The following CSMD1 variants were observed in gnomAD, a reference collection of about 807,000 sequenced individuals.
The protein encoded by CSMD1 is CUB and Sushi multiple domains 1, also known as CUB and sushi domain-containing protein 1.
A neutral mutation model predicts 417.5 loss-of-function variants in CSMD1; 213 were observed. The ratio of observed to expected loss-of-function variants is 0.51; its 90% CI spans 0.46 to 0.57. CSMD1 has a LOEUF of 0.57. Among genes scored for constraint, CSMD1 ranks in the 20% least tolerant of loss-of-function variants. The pLI is 0.00. For missense variants in CSMD1, 6,923 were observed against 4,529.7 expected, an observed-to-expected ratio of 1.53 and a Z score of -15.17; for synonymous variants, 2,862 against 1,736.8, an observed-to-expected ratio of 1.65 and a Z score of -16.11.
intron 3 of CSMD1, among the ~76,000 whole-genome samples, chr8:4,241,071 C>T (rs913746935): frequency 3.3e-5 from 5 of 152,246 alleles, no homozygotes; most frequent in Admixed American, 6.5e-5. Context: ...TGGATTTGAT[C>T]GCTGAATTAC....
At chr8:4,224,712 C>A (rs1293138100) in intron 3 of CSMD1, among the ~76,000 whole-genome samples, 1 of 152,342 alleles carries the variant, frequency 6.6e-6, no homozygotes, top group Admixed American at 6.5e-5. Context: ...ACTAATATAG[C>A]TTCTTTTTTC....
At chr8:4,799,664 T>C (rs1008478595) in intron 1 of CSMD1, among the ~76,000 whole-genome samples, 7 of 133,466 alleles carry the variant, frequency 5.2e-5, no homozygotes, top group African/African-American at 1.1e-4. Flanking sequence ...ATCTGAAAAA[T>C]TGGGACTTTA....
chr8:4,641,462 G>A (rs765709043), intron 1 of CSMD1, among the ~76,000 whole-genome samples: 4 of 152,188 alleles, frequency 2.6e-5, no homozygotes, highest in Non-Finnish European at 5.9e-5. Context: ...GTCTTATACT[G>A]TTGGACTGAG....
intron 5 of CSMD1, among the ~76,000 whole-genome samples, chr8:3,914,293 T>A (rs1244813627): frequency 1.3e-5 from 2 of 152,104 alleles, no homozygotes; most frequent in Non-Finnish European, 2.9e-5. Flanking sequence ...GGGTCACAGG[T>A]AGCTCATGGT....
At chr8:4,299,310 A>G (rs1797855380) in intron 3 of CSMD1, among the ~76,000 whole-genome samples, 1 of 152,174 alleles carries the variant, frequency 6.6e-6, no homozygotes, top group Admixed American at 6.5e-5. Context: ...CCCCCAGAGA[A>G]CGCACTTTTT....
At chr8:4,804,752 A>G (rs1275143370) in intron 1 of CSMD1, among the ~76,000 whole-genome samples, 2 of 152,324 alleles carry the variant, frequency 1.3e-5, no homozygotes, top group East Asian at 3.9e-4. Context: ...GCCTTCAAGA[A>G]AAGTATCTTA....
intron 31 of CSMD1, among the ~76,000 whole-genome samples, chr8:3,202,385 A>G (rs1797035561): frequency 6.6e-6 from 1 of 152,204 alleles, no homozygotes; most frequent in Admixed American, 6.5e-5. Context: ...ATATAATAGG[A>G]ATCCCTTGCT....
chr8:4,509,152 G>C (rs1332650980), intron 2 of CSMD1, among the ~76,000 whole-genome samples: 1 of 152,138 alleles, frequency 6.6e-6, no homozygotes, highest in Non-Finnish European at 1.5e-5. Context: ...ACCTTTTAGG[G>C]AGAATTGAAG....
At chr8:3,048,204 T>A (rs1447380865) in intron 50 of CSMD1, among the ~76,000 whole-genome samples, 1 of 152,240 alleles carries the variant, frequency 6.6e-6, no homozygotes, top group Non-Finnish European at 1.5e-5. Context: ...TAGGTCAGTA[T>A]AAATATTCGC....
In CSMD1 at chr8:4,853,846, G is replaced by C. The variant is rs144065928; in HGVS notation, c.85+140486C>G. On this transcript the variant is annotated intron_variant, in intron 1 of 69. Coordinates refer to ENST00000635120, the MANE Select transcript of CSMD1 (RefSeq NM_033225.6). ...CCTTGGGAGCCCACTCCTTGCAGTAGTGTGACCTGGATGCAGGACATACAG... is the reference window on the plus strand; with the variant it reads ...CCTTGGGAGCCCACTCCTTGCAGTACTGTGACCTGGATGCAGGACATACAG... Among the ~76,000 whole-genome samples, 222 of 152,346 alleles carry C rather than the reference G, an allele frequency of 1.5e-3. 1 individual carries two copies. Among genetic ancestry groups the C allele is most frequent in the East Asian group, 0.011 (57 of 5,182 alleles).
intron 3 of CSMD1, among the ~76,000 whole-genome samples, chr8:4,306,084 G>A (rs1798227939): frequency 6.6e-6 from 1 of 152,176 alleles, no homozygotes; most frequent in South Asian, 2.1e-4. Context: ...TGTGAGAAAT[G>A]TTATAATGAA....
intron 9 of CSMD1, among the ~76,000 whole-genome samples, chr8:3,582,074 C>T (rs1052965747): frequency 2.6e-5 from 4 of 152,130 alleles, no homozygotes; most frequent in East Asian, 1.9e-4. Flanking sequence ...GGATTACAGG[C>T]GTGAGCCACC....
chr8:3,630,383 C>T (rs374935857), intron 7 of CSMD1, among the ~76,000 whole-genome samples: 93 of 152,238 alleles, frequency 6.1e-4, no homozygotes, highest in Admixed American at 2.3e-3. Context: ...CAGGAAGGAA[C>T]GAGACTGGAG....
intron 3 of CSMD1, among the ~76,000 whole-genome samples, chr8:4,336,521 C>T (rs544960076): frequency 5.3e-5 from 8 of 152,238 alleles, no homozygotes; most frequent in South Asian, 2.1e-4. Context: ...TGGCCAATAA[C>T]GTGTTCGATG....
At chr8:4,645,121 T>A (rs2130878375) in intron 1 of CSMD1, among the ~76,000 whole-genome samples, 1 of 152,312 alleles carries the variant, frequency 6.6e-6, no homozygotes, top group East Asian at 1.9e-4. Flanking sequence ...CGAAAGCTCC[T>A]TAAATACTCC....
At chr8:4,344,647 G>A (rs1034419170) in intron 3 of CSMD1, among the ~76,000 whole-genome samples, 4 of 151,744 alleles carry the variant, frequency 2.6e-5, no homozygotes, top group Non-Finnish European at 4.4e-5. Flanking sequence ...TTGTTTAAAA[G>A]CACTCAAGAA....
intron 1 of CSMD1, among the ~76,000 whole-genome samples, chr8:4,674,019 T>C (rs1805517803): frequency 6.6e-6 from 1 of 152,176 alleles, no homozygotes; most frequent in African/African-American, 2.4e-5. Context: ...AATCTTACGG[T>C]ATGAGAAGTA....
At chr8:4,494,098 G>A (rs551614283) in intron 2 of CSMD1, among the ~76,000 whole-genome samples, 2 of 152,280 alleles carry the variant, frequency 1.3e-5, no homozygotes, top group African/African-American at 4.8e-5. Flanking sequence ...CTTCCAAAGG[G>A]AGGTGTAGAA....
chr8:4,017,646 G>A (rs753245151), intron 4 of CSMD1, among the ~76,000 whole-genome samples: 1 of 151,734 alleles, frequency 6.6e-6, no homozygotes, highest in African/African-American at 2.4e-5. Context: ...GAAAATATTA[G>A]AGAGTTCTAA....
Sources: allele counts gnomAD v4.1 joint callset (sites outside exome capture counted in the v4.1 genomes callset), GRCh38; gene constraint gnomAD v4.1.1; transcripts MANE v1.5; gene names NCBI Gene and HGNC (gene_info 2026-07-23, HGNC 2026-07-21).